Variants in NCOR1 observed in about 807,000 individuals in gnomAD.
The protein encoded by NCOR1 is nuclear receptor corepressor 1.
In NCOR1, 63 loss-of-function variants were observed where a neutral mutation model predicts 288.1. The ratio of observed to expected loss-of-function variants is 0.22; its 90% CI spans 0.18 to 0.27. The LOEUF is 0.27. NCOR1 is among the 10% of genes least tolerant of loss of function. The pLI, the probability that NCOR1 is intolerant of heterozygous loss-of-function variation, is 1.00. For missense variants in NCOR1, 2,397 were observed against 3,019.2 expected (o/e 0.79, Z 4.83); for synonymous variants, 1,007 against 1,065.9 (o/e 0.94, Z 1.08).
chr17:16,212,764 A>T (rs949976516), intron 1 of NCOR1, among the ~76,000 whole-genome samples: 2 of 152,196 alleles, frequency 1.3e-5, no homozygotes, highest in Non-Finnish European at 2.9e-5. Flanking sequence ...ACCAATTCAT[A>T]ACACAATTTT....
intron 18 of NCOR1, among the ~76,000 whole-genome samples, chr17:16,112,201 T>C (rs1317080803): frequency 1.3e-5 from 2 of 152,200 alleles, no homozygotes; most frequent in Non-Finnish European, 2.9e-5. Flanking sequence ...ATCTGACTCA[T>C]TTTTTACTTC....
chr17:16,181,390 TAA>T lies in NCOR1; in HGVS notation c.242+5162_242+5163del, dbSNP rs61340804. 8.4e-3 allele frequency among the ~76,000 whole-genome samples: 1,208 copies of T among 143,758 alleles called. 9 individuals carry two copies. The highest frequency in any genetic ancestry group is 0.02 in the African/African-American group (799 of 39,166). 94.3% of individuals were successfully genotyped at this position (143,758 alleles called of 152,430 possible). A position where few individuals can be genotyped will look rare whatever the true frequency, so the allele number is the denominator to read the frequency against. On this transcript the variant is annotated intron_variant, in intron 3 of 45. Coordinates refer to ENST00000268712, the MANE Select transcript of NCOR1 (RefSeq NM_006311.4). ...ATGATCTCCCCTATATATGGAATATTAAAAAAAAAAAAAGCACTCAAATACAC... is the reference window on the plus strand; with the variant it reads ...ATGATCTCCCCTATATATGGAATATTAAAAAAAAAAAGCACTCAAATACAC...
rs1308794259 is a variant in NCOR1, at chr17:16,215,505, G to A, written c.-214C>T. The A allele has an allele frequency of 3.3e-5, 13 of 398,660 alleles. No individual in the cohort carries two copies. The highest frequency in any genetic ancestry group is 4.4e-5 in the Non-Finnish European group (10 of 226,294). The allele number at this position is 398,660 out of a possible 1,614,324, so 24.7% of individuals were successfully genotyped here. ...AGCCGCCGCCGCCGCCGCGGCTGCT[G>A]CTTCGCCACCTTGGCCGCCATCTTG... On this transcript the variant is annotated 5_prime_UTR_variant, in exon 1 of 46. The change creates a premature stop within an existing upstream ORF in the 5' untranslated region. Coordinates refer to ENST00000268712, the MANE Select transcript of NCOR1 (RefSeq NM_006311.4).
intron 42 of NCOR1, chr17:16,044,938 T>A (rs1044784289): frequency 1.6e-5 from 10 of 629,656 alleles, no homozygotes; most frequent in African/African-American, 1.5e-4. Flanking sequence ...GATGATGACA[T>A]GGGCTTTTGG....
intron 19 of NCOR1, among the ~76,000 whole-genome samples, chr17:16,106,013 T>C (rs565515214): frequency 1.2e-4 from 18 of 152,172 alleles, no homozygotes; most frequent in African/African-American, 4.1e-4. Flanking sequence ...GGCAGGGGAA[T>C]TGCTTGAACC....
At chr17:16,131,095 C>T (rs1223288434) in intron 14 of NCOR1, among the ~76,000 whole-genome samples, 1 of 151,918 alleles carries the variant, frequency 6.6e-6, no homozygotes, top group East Asian at 1.9e-4. Flanking sequence ...TCAAGCGATG[C>T]TCCCACCTCA....
intron 42 of NCOR1, chr17:16,044,884 C>G (rs1217835734): frequency 2.7e-6 from 2 of 749,490 alleles, no homozygotes; most frequent in Non-Finnish European, 4.6e-6. Flanking sequence ...GCTGCTCCAG[C>G]TGAGAAGAAA....
Position 16,139,141 on chromosome 17 carries a change from T to C in NCOR1, c.1219A>G (p.Met407Val). ...MRQLSVIPPM[M>V]FDAEQRRVKF... ...ACTCGTCTTTGTTCTGCATCAAACATCATAGGTGGAATCACAGAGAGCTGC... is the reference window on the plus strand; with the variant it reads ...ACTCGTCTTTGTTCTGCATCAAACACCATAGGTGGAATCACAGAGAGCTGC... Residue 407 changes from methionine to valine, a missense_variant, in exon 12 of 46, where the codon ATG becomes GTG. Around this residue, in one of 11 missense-constraint regions of NCOR1, gnomAD observed 80 missense variants for 100.3 expected, o/e 0.80. Transcript: ENST00000268712. 6.2e-7 allele frequency: 1 copy of C among 1,613,692 alleles called. No homozygotes were observed. The highest frequency in any genetic ancestry group is 8.5e-7 in the Non-Finnish European group (1 of 1,179,812).
At position 16,167,723 on chromosome 17, in the gene NCOR1, G is replaced by A. The variant is rs1350801739; in HGVS notation, c.436-2562C>T. On this transcript the variant is annotated intron_variant, in intron 4 of 45. Coordinates refer to ENST00000268712, the MANE Select transcript of NCOR1 (RefSeq NM_006311.4). ...AAAACTACAAAAATCAGCCAGGTGT[G>A]GTGGTGCGAGCCTGTAATCCCAGCT... 1.3e-4 allele frequency among the ~76,000 whole-genome samples: 20 copies of A among 151,786 alleles called. No individual in the cohort carries two copies. The East Asian group carries it at 3.5e-3, about 26-fold the overall frequency.
intron 32 of NCOR1, among the ~76,000 whole-genome samples, chr17:16,066,408 G>A (rs749379344): frequency 1.2e-4 from 19 of 152,154 alleles, no homozygotes; most frequent in African/African-American, 3.6e-4. Context: ...CACAAGATAC[G>A]AGGAAGGGGT....
intron 40 of NCOR1, chr17:16,049,513 A>AT (rs2059058169): frequency 3.3e-5 from 5 of 152,062 alleles, no homozygotes; most frequent in Admixed American, 2.0e-4. Context: ...GCAATTTTAT[A>AT]TTTTTTCTCT....
intron 6 of NCOR1, among the ~76,000 whole-genome samples, chr17:16,156,160 G>C (rs771593265): frequency 1.3e-5 from 2 of 152,114 alleles, no homozygotes; most frequent in Non-Finnish European, 2.9e-5. Context: ...AAGAGGCCTG[G>C]TGCAGTGGCT....
intron 40 of NCOR1, among the ~76,000 whole-genome samples, chr17:16,049,732 T>C (rs896008191): frequency 6.6e-6 from 1 of 151,950 alleles, no homozygotes; most frequent in Non-Finnish European, 1.5e-5. Context: ...ATTATAGGCA[T>C]GCGCCACCAT....
chr17:16,103,725 C>A (rs1032055429), intron 19 of NCOR1, among the ~76,000 whole-genome samples: 1 of 152,188 alleles, frequency 6.6e-6, no homozygotes, highest in Admixed American at 6.5e-5. Context: ...GCTTAAAAAG[C>A]CTTCTATGGG....
chr17:16,041,458 G>T (rs749379700), intron 42 of NCOR1, among the ~76,000 whole-genome samples: 97 of 113,108 alleles, frequency 8.6e-4, no homozygotes, highest in Non-Finnish European at 1.3e-3. Flanking sequence ...TTGTCACCCA[G>T]GCTGGAGTGC....
At chr17:16,102,795 T>C (rs926409389) in intron 19 of NCOR1, among the ~76,000 whole-genome samples, 3 of 152,186 alleles carry the variant, frequency 2.0e-5, no homozygotes, top group Non-Finnish European at 2.9e-5. Flanking sequence ...GGTTTCACCA[T>C]GTTGCCCAGG....
intron 42 of NCOR1, among the ~76,000 whole-genome samples, chr17:16,042,227 G>T (rs1332230402): frequency 6.6e-6 from 1 of 152,158 alleles, no homozygotes; most frequent in African/African-American, 2.4e-5. Context: ...TTACTTATGG[G>T]CCAGGTGACA....
At position 16,139,035 on chromosome 17, in the gene NCOR1, T is replaced by A; in HGVS notation, c.1325A>T (p.Asp442Val). ...GTCCTTAAAGATCTCCTTTTCATGG[T>A]CAGTCCAAACATTCATAAACTGCCT... is the stretch of plus-strand genomic sequence containing the variant. ...KDRQFMNVWTDHEKEIFKDKF... is the reference protein window; with the variant it reads ...KDRQFMNVWTVHEKEIFKDKF... The change falls in exon 12 of 46, where the codon GAC (aspartate) becomes GTC (valine). Residue 442 changes from aspartate to valine, a missense_variant. Physicochemically the swap from Asp to Val is radical, Grantham distance 152. This residue lies in a region of NCOR1 where 80 missense variants were observed against 100.3 expected (regional missense o/e 0.80). Coordinates refer to ENST00000268712, the MANE Select transcript of NCOR1 (RefSeq NM_006311.4). 1 of 1,584,612 alleles carries A rather than the reference T, an allele frequency of 6.3e-7. No individual in the cohort carries two copies.
chr17:16,131,177 G>A (rs1460364779), intron 14 of NCOR1, among the ~76,000 whole-genome samples: 5 of 150,980 alleles, frequency 3.3e-5, no homozygotes, highest in African/African-American at 4.9e-5. Flanking sequence ...TTTTTTTGTA[G>A]AAAATCAAAT....
Sources: gnomAD v4.1 joint callset for allele counts (sites outside exome capture counted in the v4.1 genomes callset) on GRCh38, gnomAD v4.1.1 for gene constraint, gnomAD v4.1.1 regional missense constraint, MANE v1.5 for transcripts, NCBI Gene and HGNC (gene_info 2026-07-23, HGNC 2026-07-21) for gene names.